SRPK2: variants seen among roughly 807,000 people sequenced by gnomAD.
SRPK2 encodes SRSF protein kinase 2.
A neutral mutation model predicts 90.8 loss-of-function variants in SRPK2; 21 were observed. The observed-to-expected ratio is 0.23, with a 90% CI of 0.16 to 0.33. The LOEUF is 0.33. Among genes scored for constraint, SRPK2 ranks in the 10% least tolerant of loss-of-function variants. SRPK2 has a pLI of 1.00. For synonymous variants in SRPK2, 288 were observed against 311.1 expected, an observed-to-expected ratio of 0.93 and a Z score of 0.78; for missense variants, 620 against 869.0, an observed-to-expected ratio of 0.71 and a Z score of 3.60.
rs572538969 is a variant in SRPK2 at position 105,349,001 on chromosome 7, C to G, written c.71+39647G>C. 1.3e-4 allele frequency among the ~76,000 whole-genome samples: 19 copies of G among 149,900 alleles called. 3 individuals carry two copies. The East Asian group carries it at 3.7e-3, about 29-fold the overall frequency. On this transcript the variant is annotated intron_variant, in intron 2 of 15. Transcript: ENST00000393651. Reference sequence around the variant, plus strand: ...TCTCTACTAAAAATACAAAAATTAGCCGGGCGTGGTGGCGCTTTCCTGTAA... The same window carrying G: ...TCTCTACTAAAAATACAAAAATTAGGCGGGCGTGGTGGCGCTTTCCTGTAA...
intron 7 of SRPK2, among the ~76,000 whole-genome samples, chr7:105,149,340 G>C (rs539834618): frequency 6.6e-6 from 1 of 152,146 alleles, no homozygotes; most frequent in Non-Finnish European, 1.5e-5. Context: ...TCTGGTGTAC[G>C]TGCACGTCCA....
chr7:105,146,847 G>A (rs1249131762), intron 7 of SRPK2, among the ~76,000 whole-genome samples, 189 bp from the exon 8 acceptor site: 1 of 152,128 alleles, frequency 6.6e-6, no homozygotes, highest in African/African-American at 2.4e-5. Context: ...TAAGCAACCA[G>A]TGTGTATAAT....
intron 2 of SRPK2, among the ~76,000 whole-genome samples, chr7:105,278,740 G>GAAAA (rs1806862698): frequency 6.6e-6 from 1 of 151,170 alleles, no homozygotes; most frequent in Non-Finnish European, 1.5e-5. Context: ...GAAAAGGAAA[G>GAAAA]GGGAAAAGGG....
At chr7:105,231,656 C>G (rs898626717) in intron 2 of SRPK2, among the ~76,000 whole-genome samples, 1 of 152,188 alleles carries the variant, frequency 6.6e-6, no homozygotes. Context: ...TTACATTTCT[C>G]TAATGATCTG....
At chr7:105,280,454 AT>A (rs1807118748) in intron 2 of SRPK2, among the ~76,000 whole-genome samples, 1 of 151,690 alleles carries the variant, frequency 6.6e-6, no homozygotes, top group Non-Finnish European at 1.5e-5. Flanking sequence ...TTAAGATGTT[AT>A]TATTTATTTT....
intron 2 of SRPK2, chr7:105,269,028 A>G: frequency 1.5e-6 from 2 of 1,318,490 alleles, no homozygotes; most frequent in South Asian, 1.9e-5. Flanking sequence ...CTATAAAGGG[A>G]AAAAGCTCCA....
At chr7:105,226,777 C>T (rs1186108588) in intron 2 of SRPK2, among the ~76,000 whole-genome samples, 2 of 151,432 alleles carry the variant, frequency 1.3e-5, no homozygotes, top group African/African-American at 4.9e-5. Flanking sequence ...GTGGGTGGAT[C>T]ACTTGAGGCC....
chr7:105,249,734 T>C (rs964101092), intron 2 of SRPK2, among the ~76,000 whole-genome samples: 2 of 152,214 alleles, frequency 1.3e-5, no homozygotes, highest in African/African-American at 4.8e-5. Context: ...ATCCTATATA[T>C]GTCTGGTCAA....
chr7:105,278,277 T>C (rs917611021), intron 2 of SRPK2, among the ~76,000 whole-genome samples: 10 of 147,652 alleles, frequency 6.8e-5, no homozygotes, highest in Non-Finnish European at 1.3e-4. Context: ...ATCACGCTAC[T>C]GCACTCCAGC....
intron 3 of SRPK2, among the ~76,000 whole-genome samples, chr7:105,185,633 G>C (rs1463422634): frequency 6.6e-6 from 1 of 151,700 alleles, no homozygotes. Context: ...AAATGAGAAA[G>C]AGAAAAAAGG....
intron 11 of SRPK2, 91 bp from the exon 12 acceptor site, chr7:105,133,195 T>C: frequency 1.7e-6 from 2 of 1,157,238 alleles, no homozygotes; most frequent in South Asian, 1.2e-5. Flanking sequence ...TCTCCTTTCC[T>C]CAAGAGTAGT....
At chr7:105,238,826 A>G (rs1292245295) in intron 2 of SRPK2, among the ~76,000 whole-genome samples, 1 of 152,212 alleles carries the variant, frequency 6.6e-6, no homozygotes, top group Admixed American at 6.5e-5. Flanking sequence ...AGAAAGTAAC[A>G]TCATTTATAA....
intron 2 of SRPK2, among the ~76,000 whole-genome samples, chr7:105,328,056 G>A (rs528406653): frequency 3.9e-5 from 6 of 152,138 alleles, no homozygotes; most frequent in Admixed American, 6.5e-5. Context: ...GATTACAGGC[G>A]TGAGCCACAA....
intron 2 of SRPK2, among the ~76,000 whole-genome samples, chr7:105,218,094 G>A (rs1196623187): frequency 6.6e-6 from 1 of 152,190 alleles, no homozygotes; most frequent in Non-Finnish European, 1.5e-5. Context: ...GCCTGAGCAG[G>A]AGAAGGTATG....
chr7:105,252,657 T>C (rs1802630425), intron 2 of SRPK2, among the ~76,000 whole-genome samples: 1 of 152,140 alleles, frequency 6.6e-6, no homozygotes, highest in East Asian at 1.9e-4. Flanking sequence ...TTTATAGAAA[T>C]GATACTTTAT....
intron 2 of SRPK2, among the ~76,000 whole-genome samples, chr7:105,358,440 C>T (rs947760888): frequency 6.6e-6 from 1 of 152,148 alleles, no homozygotes; most frequent in Non-Finnish European, 1.5e-5. Flanking sequence ...AATCCCAGCA[C>T]TTTGGAAGGC....
chr7:105,223,024 A>G lies in SRPK2; in HGVS notation c.72-19239T>C, dbSNP rs1168729771. On this transcript the variant is annotated intron_variant, in intron 2 of 15. Coordinates refer to ENST00000393651, the MANE Select transcript of SRPK2 (RefSeq NM_182692.3). ...ACAGAAAAAACTTTCCTACTGAGAC[A>G]ATTACTCTTTGTGAAAAATAAGAGG... is the stretch of plus-strand genomic sequence containing the variant. Among the ~76,000 whole-genome samples, 4 of 152,304 alleles carry G rather than the reference A, an allele frequency of 2.6e-5. No homozygotes were observed. The South Asian group carries it at 6.2e-4, about 24-fold the overall frequency.
intron 2 of SRPK2, among the ~76,000 whole-genome samples, chr7:105,292,103 A>C (rs1162356962): frequency 1.3e-5 from 2 of 152,216 alleles, no homozygotes; most frequent in East Asian, 3.8e-4. Context: ...CTCAGCTACC[A>C]ACACTTCAAG....
At chr7:105,293,997 C>T (rs184783013) in intron 2 of SRPK2, among the ~76,000 whole-genome samples, 57 of 152,260 alleles carry the variant, frequency 3.7e-4, no homozygotes, top group Non-Finnish European at 7.9e-4. Flanking sequence ...CTGCCTGCAC[C>T]GGGGTCAGGG....
Sources: allele counts gnomAD v4.1 joint callset (sites outside exome capture counted in the v4.1 genomes callset), GRCh38; gene constraint gnomAD v4.1.1; transcripts MANE v1.5; gene names NCBI Gene and HGNC (gene_info 2026-07-23, HGNC 2026-07-21).